The following GOSR1 variants were observed in gnomAD, a reference collection of about 807,000 sequenced individuals.
The protein encoded by GOSR1 is golgi SNAP receptor complex member 1.
In GOSR1, 21 loss-of-function variants were observed where a neutral mutation model predicts 35.5. That is an observed-to-expected ratio of 0.59 (90% confidence interval 0.42 to 0.85). GOSR1 has a LOEUF of 0.85. Among genes scored for constraint, GOSR1 ranks in the 40% least tolerant of loss-of-function variants. GOSR1 has a pLI of 0.00. For missense variants in GOSR1, 285 were observed against 309.6 expected, an observed-to-expected ratio of 0.92 and a Z score of 0.60; for synonymous variants, 94 against 106.6, an observed-to-expected ratio of 0.88 and a Z score of 0.73.
chr17:30,481,375 G>C, intron 2 of GOSR1, 118 bp downstream of exon 2: 1 of 624,490 alleles, frequency 1.6e-6, no homozygotes, highest in South Asian at 2.7e-5. Context: ...TTGGTGTTTT[G>C]TTTTGCCATT....
chr17:30,504,525 T>TG (rs923425775), intron 6 of GOSR1, among the ~76,000 whole-genome samples: 8 of 152,098 alleles, frequency 5.3e-5, no homozygotes, highest in East Asian at 1.9e-4. Flanking sequence ...GGGAAATAAG[T>TG]GGGGGGCGTA....
At chr17:30,517,261 C>A (rs1967855670) in intron 7 of GOSR1, among the ~76,000 whole-genome samples, 1 of 152,084 alleles carries the variant, frequency 6.6e-6, no homozygotes, top group Admixed American at 6.6e-5. Flanking sequence ...AACAACTTAA[C>A]TAATACTAAA....
chr17:30,490,551 G>T (rs1914977810), intron 5 of GOSR1, among the ~76,000 whole-genome samples: 1 of 152,024 alleles, frequency 6.6e-6, no homozygotes, highest in Admixed American at 6.5e-5. Context: ...ATCCTCTGCA[G>T]ATGTGTCAAA....
At chr17:30,517,871 A>G (rs1233793324) in intron 7 of GOSR1, among the ~76,000 whole-genome samples, 3 of 152,194 alleles carry the variant, frequency 2.0e-5, no homozygotes, top group Non-Finnish European at 4.4e-5. Context: ...AATAAGATAC[A>G]TGGTGGTTTA....
chr17:30,488,109 T>TTTTTCTCC (rs1914793330), intron 4 of GOSR1, among the ~76,000 whole-genome samples: 1 of 2,318 alleles, frequency 4.3e-4, no homozygotes, highest in Non-Finnish European at 7.9e-4. Context: ...CATTTACTCC[T>TTTTTCTCC]TTTTTTTTTT....
intron 6 of GOSR1, chr17:30,495,406 A>C (rs1966958411): frequency 2.2e-6 from 1 of 455,648 alleles, no homozygotes; most frequent in African/African-American, 2.0e-5. Context: ...ATTTACCTTA[A>C]TGAAGTTGAC....
intron 6 of GOSR1, among the ~76,000 whole-genome samples, chr17:30,509,867 T>C (rs563181311): frequency 1.3e-5 from 2 of 152,332 alleles, no homozygotes; most frequent in African/African-American, 2.4e-5. Flanking sequence ...TTACTACTTA[T>C]AGACATCAGA....
chr17:30,499,590 C>T lies in GOSR1; in HGVS notation c.509+6837C>T, dbSNP rs1426358015. Among the ~76,000 whole-genome samples, 3 of 152,222 alleles carry T rather than the reference C, an allele frequency of 2.0e-5. No individual in the cohort carries two copies. In the East Asian group the frequency reaches 5.8e-4, roughly 29 times the overall value. On this transcript the variant is annotated intron_variant, in intron 6 of 8. Coordinates refer to ENST00000451249, the MANE Select transcript of GOSR1 (RefSeq NM_001007025.2). ...TCTCCTGACCTCGTGATCCACCCGC[C>T]TTGGCCTCCCAAAGTGCTGGGATTA... is the stretch of plus-strand genomic sequence containing the variant.
rs996859066 is a variant in GOSR1, at chr17:30,526,453, C to T, written c.*4075C>T. On this transcript the variant is annotated 3_prime_UTR_variant, in exon 9 of 9. Coordinates refer to ENST00000451249, the MANE Select transcript of GOSR1 (RefSeq NM_001007025.2). ...TTGAGGCCAGGAGTTTGAGACCAGC[C>T]TGGGCAATGTAGCAAGACTCTGTCT... The T allele has an allele frequency of 6.6e-6, 1 of 152,124 alleles. No individual in the cohort carries two copies. Among genetic ancestry groups the T allele is most frequent in the Admixed American group, 6.5e-5 (1 of 15,268 alleles). The allele number at this position is 152,124 out of a possible 1,614,324, so 9.4% of individuals were successfully genotyped here. A position where few individuals can be genotyped will look rare whatever the true frequency, so the allele number is the denominator to read the frequency against.
At chr17:30,487,840 A>G (rs1431194093) in intron 4 of GOSR1, among the ~76,000 whole-genome samples, 1 of 151,580 alleles carries the variant, frequency 6.6e-6, no homozygotes, top group African/African-American at 2.4e-5. Context: ...CAATGGTGCG[A>G]TCTCGGCTCA....
At chr17:30,500,821 TAAC>T (rs1967175586) in intron 6 of GOSR1, among the ~76,000 whole-genome samples, 1 of 152,054 alleles carries the variant, frequency 6.6e-6, no homozygotes. Flanking sequence ...ATTGACATCT[TAAC>T]AACTGTAAAT....
intron 4 of GOSR1, among the ~76,000 whole-genome samples, chr17:30,486,472 C>T (rs1430332698): frequency 4.7e-5 from 7 of 148,396 alleles, no homozygotes; most frequent in Non-Finnish European, 3.0e-5. Context: ...TGCAGTGAGC[C>T]GAGATTGCAC....
At chr17:30,522,146 C>A in intron 8 of GOSR1, 108 bp from the exon 9 acceptor site, 3 of 848,724 alleles carry the variant, frequency 3.5e-6, no homozygotes, top group Non-Finnish European at 5.5e-6. Flanking sequence ...CTTCCCCATG[C>A]CTTTCATCAC....
At position 30,513,742 on chromosome 17, in the gene GOSR1, G is replaced by A. The variant is rs560984165; in HGVS notation, c.539+2833G>A. On this transcript the variant is annotated intron_variant, in intron 7 of 8. Transcript: ENST00000451249. ...GAGGCGGGAGGACTGCTTGAGGCCAGAAACTCGAGTCAGCCAGAGCAACAT... is the reference window on the plus strand; with the variant it reads ...GAGGCGGGAGGACTGCTTGAGGCCAAAAACTCGAGTCAGCCAGAGCAACAT... Among the ~76,000 whole-genome samples, 10 of 152,152 alleles carry A rather than the reference G, an allele frequency of 6.6e-5. No individual in the cohort carries two copies. The East Asian group carries it at 1.9e-3, about 29-fold the overall frequency.
rs143617759 is a variant in GOSR1, at chr17:30,501,132, G to A, written c.509+8379G>A. On this transcript the variant is annotated intron_variant, in intron 6 of 8. Coordinates refer to ENST00000451249, the MANE Select transcript of GOSR1 (RefSeq NM_001007025.2). ...CCTGACCTCGTGATCCGCCCGCCTCGGCCTCCCAAAGTGCTGGGATTACAG... is the reference window on the plus strand; with the variant it reads ...CCTGACCTCGTGATCCGCCCGCCTCAGCCTCCCAAAGTGCTGGGATTACAG... 2.9e-4 allele frequency among the ~76,000 whole-genome samples: 44 copies of A among 152,034 alleles called. 1 individual carries two copies. Among genetic ancestry groups the A allele is most frequent in the African/African-American group, 9.6e-4 (40 of 41,488 alleles).
At chr17:30,518,222 C>T (rs1163541710) in intron 7 of GOSR1, among the ~76,000 whole-genome samples, 1 of 152,182 alleles carries the variant, frequency 6.6e-6, no homozygotes, top group Non-Finnish European at 1.5e-5. Context: ...AGCTTCCCTG[C>T]TGTCAGTTCC....
At chr17:30,484,628 A>T in intron 3 of GOSR1, 35 bp from the exon 4 acceptor site, 2 of 1,197,218 alleles carry the variant, frequency 1.7e-6, no homozygotes, top group Non-Finnish European at 2.4e-6. Context: ...TGCTTAGTAA[A>T]ATATTTTGAT....
chr17:30,477,415 C>G lies in GOSR1; in HGVS notation c.-19C>G. The G allele has an allele frequency of 6.2e-7, 1 of 1,608,370 alleles. No homozygotes were observed. The highest frequency in any genetic ancestry group is 8.5e-7 in the Non-Finnish European group (1 of 1,176,638). On this transcript the variant is annotated 5_prime_UTR_variant, in exon 1 of 9. Transcript: ENST00000451249. Reference sequence around the variant, plus strand: ...CATCGCCTCTGCTCCCCTATCCCGGCTGACGTTGGACGACAAAGATGGCGG... The same window carrying G: ...CATCGCCTCTGCTCCCCTATCCCGGGTGACGTTGGACGACAAAGATGGCGG...
At chr17:30,492,989 GTTA>G in intron 6 of GOSR1, among the ~76,000 whole-genome samples, 2 of 150,354 alleles carry the variant, frequency 1.3e-5, no homozygotes, top group South Asian at 4.2e-4. Flanking sequence ...TAATATGGTT[GTTA>G]TTTTTTTTTT....
Sources: gnomAD v4.1 joint callset for allele counts (sites outside exome capture counted in the v4.1 genomes callset) on GRCh38, gnomAD v4.1.1 for gene constraint, MANE v1.5 for transcripts, NCBI Gene and HGNC (gene_info 2026-07-23, HGNC 2026-07-21) for gene names.